The following ERG variants were observed in gnomAD, a reference collection of about 807,000 sequenced individuals.
ERG encodes the protein ETS transcription factor ERG.
Under a neutral mutation model 55.3 loss-of-function variants are expected in ERG, and 9 were observed. The observed-to-expected ratio is 0.16, with a 90% confidence interval of 0.10 to 0.28. The LOEUF (loss-of-function observed/expected upper bound fraction) is 0.28, where lower values mean the gene tolerates loss of function less well. Among genes scored for constraint, ERG ranks in the 10% least tolerant of loss-of-function variants. ERG has a pLI of 1.00. For missense variants in ERG, 434 were observed against 631.6 expected, an observed-to-expected ratio of 0.69 and a Z score of 3.35; for synonymous variants, 223 against 237.3, an observed-to-expected ratio of 0.94 and a Z score of 0.55.
chr21:38,540,837 T>G (rs1160727810), intron 2 of ERG, among the ~76,000 whole-genome samples: 1 of 152,152 alleles, frequency 6.6e-6, no homozygotes, highest in Admixed American at 6.5e-5. Flanking sequence ...TATGGACATT[T>G]TGGGGGTGAC....
intron 1 of ERG, among the ~76,000 whole-genome samples, chr21:38,659,495 G>T: frequency 6.6e-6 from 1 of 152,218 alleles, no homozygotes. Context: ...CCCTTCAGGG[G>T]CTCTAAACTA....
At chr21:38,454,115 G>T (rs958168992) in intron 1 of ERG, among the ~76,000 whole-genome samples, 1 of 151,932 alleles carries the variant, frequency 6.6e-6, no homozygotes, top group African/African-American at 2.4e-5. Context: ...ACTGTTATAC[G>T]TTACTCACGA....
At chr21:38,660,396 C>G (rs2060545471) in intron 1 of ERG, 1 of 152,378 alleles carries the variant, frequency 6.6e-6, no homozygotes, top group Admixed American at 6.5e-5. Flanking sequence ...CCCCACCTGT[C>G]CCGGCGCCGT....
intron 3 of ERG, among the ~76,000 whole-genome samples, chr21:38,409,488 T>TAAAAAA (rs71330329): frequency 5.0e-5 from 4 of 79,508 alleles, no homozygotes; most frequent in East Asian, 4.0e-4. Flanking sequence ...CTCCGTCTCA[T>TAAAAAA]AAAAAAAAAA....
At chr21:38,387,811 A>G (rs1251842272) in intron 9 of ERG, among the ~76,000 whole-genome samples, 3 of 152,194 alleles carry the variant, frequency 2.0e-5, no homozygotes, top group Non-Finnish European at 4.4e-5. Context: ...AACGCTTTAC[A>G]TGTATTGGTT....
intron 1 of ERG, among the ~76,000 whole-genome samples, chr21:38,631,334 G>T (rs1317620669): frequency 1.3e-5 from 2 of 151,998 alleles, no homozygotes; most frequent in African/African-American, 4.8e-5. Flanking sequence ...GAGAATAGGA[G>T]TTCTATGAGT....
At chr21:38,591,780 T>C (rs993914733) in intron 1 of ERG, among the ~76,000 whole-genome samples, 1 of 152,212 alleles carries the variant, frequency 6.6e-6, no homozygotes, top group Non-Finnish European at 1.5e-5. Flanking sequence ...CAACATTTGC[T>C]GGGCACTTAC....
intron 2 of ERG, among the ~76,000 whole-genome samples, chr21:38,435,426 C>T (rs943977844): frequency 1.3e-5 from 2 of 152,280 alleles, no homozygotes; most frequent in Middle Eastern, 3.4e-3. Flanking sequence ...GCTGGAGCAG[C>T]GGGTGGAGCT....
At chr21:38,640,226 T>C (rs2060415683) in intron 1 of ERG, among the ~76,000 whole-genome samples, 1 of 152,164 alleles carries the variant, frequency 6.6e-6, no homozygotes, top group Non-Finnish European at 1.5e-5. Flanking sequence ...AATCGAACAT[T>C]ACAGCACACT....
intron 6 of ERG, chr21:38,400,130 G>GT: frequency 2.8e-6 from 1 of 358,422 alleles, no homozygotes; most frequent in Non-Finnish European, 5.3e-6. Flanking sequence ...AGGACAGGCA[G>GT]TAAGATTCAG....
At position 38,445,547 on chromosome 21, in the gene ERG, T is replaced by C. The variant is rs2058884216; in HGVS notation, c.93A>G (p.Thr31=). The C allele has an allele frequency of 6.2e-7, 1 of 1,614,104 alleles. No homozygotes were observed. Reference sequence around the variant, plus strand: ...CGCTGGAGGAGGACGCGGTCATCTCTGTCTTAGCCAGGTGTGGCGTTCCGT... The same window carrying C: ...CGCTGGAGGAGGACGCGGTCATCTCCGTCTTAGCCAGGTGTGGCGTTCCGT... ...CAYGTPHLAK[T]EMTASSSSDY... Residue 31 remains threonine (T), a synonymous_variant, in exon 2 of 10, where the codon ACA becomes ACG. Coordinates refer to ENST00000288319, the MANE Select transcript of ERG (RefSeq NM_182918.4).
intron 2 of ERG, among the ~76,000 whole-genome samples, chr21:38,560,306 G>T (rs1480083075): frequency 1.3e-5 from 2 of 152,132 alleles, no homozygotes; most frequent in African/African-American, 2.4e-5. Context: ...TGTCCCACTA[G>T]GATCTCCCTT....
chr21:38,468,114 T>C (rs758896738), intron 1 of ERG, among the ~76,000 whole-genome samples: 1 of 152,130 alleles, frequency 6.6e-6, no homozygotes, highest in African/African-American at 2.4e-5. Flanking sequence ...GTGCTTCAAG[T>C]GAAAGGGCTG....
intron 2 of ERG, among the ~76,000 whole-genome samples, chr21:38,574,516 T>C (rs575895596): frequency 3.3e-5 from 5 of 152,370 alleles, no homozygotes; most frequent in African/African-American, 1.2e-4. Flanking sequence ...GAAACTCTTA[T>C]TACTTCCAAT....
chr21:38,554,436 G>A (rs1164606544), intron 2 of ERG, among the ~76,000 whole-genome samples: 2 of 152,106 alleles, frequency 1.3e-5, no homozygotes, highest in East Asian at 3.9e-4. Context: ...CATCAGTGGT[G>A]GACTGGATAA....
chr21:38,414,107 A>G (rs1295286672), intron 3 of ERG, among the ~76,000 whole-genome samples: 1 of 152,142 alleles, frequency 6.6e-6, no homozygotes, highest in Non-Finnish European at 1.5e-5. Context: ...TGTGGATAAA[A>G]TCTGTCCTTG....
intron 3 of ERG, 115 bp from the exon 4 acceptor site, chr21:38,403,824 C>T (rs1274985198): frequency 1.1e-6 from 1 of 942,670 alleles, no homozygotes; most frequent in African/African-American, 1.6e-5. Context: ...GCACAGCCTC[C>T]AGCCAGCCTC....
At chr21:38,443,517 C>CTG (rs1293236938) in intron 2 of ERG, among the ~76,000 whole-genome samples, 7 of 152,214 alleles carry the variant, frequency 4.6e-5, no homozygotes, top group Non-Finnish European at 1.0e-4. Flanking sequence ...TGTTTCCAGG[C>CTG]TGTGTTCCAC....
intron 6 of ERG, among the ~76,000 whole-genome samples, chr21:38,396,140 C>G (rs1988201102): frequency 1.3e-5 from 2 of 152,050 alleles, no homozygotes; most frequent in Admixed American, 6.6e-5. Flanking sequence ...AGAGCTGCTG[C>G]TAAGAACCAA....
Sources: allele counts gnomAD v4.1 joint callset (sites outside exome capture counted in the v4.1 genomes callset), GRCh38; gene constraint gnomAD v4.1.1; transcripts MANE v1.5; gene names NCBI Gene and HGNC (gene_info 2026-07-23, HGNC 2026-07-21).